PTPN13: variants seen among roughly 807,000 people sequenced by gnomAD.
PTPN13 encodes the protein protein tyrosine phosphatase non-receptor type 13, also known as tyrosine-protein phosphatase non-receptor type 13.
In PTPN13, 191 loss-of-function variants were observed where a neutral mutation model predicts 284.0. The ratio of observed to expected loss-of-function variants is 0.67; its 90% CI spans 0.60 to 0.76. The LOEUF (loss-of-function observed/expected upper bound fraction) is 0.76. Among genes scored for constraint, PTPN13 ranks in the 30% least tolerant of loss-of-function variants. The pLI is 0.00. For synonymous variants in PTPN13, 986 were observed against 1,022.3 expected (o/e 0.96, Z 0.68); for missense variants, 2,797 against 2,939.9 (o/e 0.95, Z 1.12).
At chr4:86,782,151 C>G in intron 36 of PTPN13, 50 bp from the exon 37 acceptor site, 5 of 1,315,364 alleles carry the variant, frequency 3.8e-6, no homozygotes, top group Non-Finnish European at 5.5e-6. Flanking sequence ...TGATGTCCCT[C>G]TTGTGGTTTG....
chr4:86,621,335 T>A (rs1347485357), intron 1 of PTPN13, among the ~76,000 whole-genome samples: 1 of 152,216 alleles, frequency 6.6e-6, no homozygotes, highest in Non-Finnish European at 1.5e-5. Context: ...TTTAATTAAG[T>A]TCAGTTCCAC....
chr4:86,808,644 T>C (rs1744899950), intron 45 of PTPN13, among the ~76,000 whole-genome samples: 1 of 152,244 alleles, frequency 6.6e-6, no homozygotes, highest in African/African-American at 2.4e-5. Flanking sequence ...CATGATTTTT[T>C]ATTGATTTAC....
chr4:86,599,266 A>G (rs1220348109), intron 1 of PTPN13, among the ~76,000 whole-genome samples: 1 of 152,146 alleles, frequency 6.6e-6, no homozygotes, highest in East Asian at 1.9e-4. Context: ...GTGTTGGATT[A>G]TATTTTATAT....
intron 1 of PTPN13, 80 bp from the exon 2 acceptor site, chr4:86,635,172 A>G: frequency 6.9e-7 from 1 of 1,446,840 alleles, no homozygotes; most frequent in Non-Finnish European, 9.4e-7. Context: ...ATAGTCTGTC[A>G]TCACTGATGT....
intron 40 of PTPN13, among the ~76,000 whole-genome samples, chr4:86,793,279 G>T (rs570645530): frequency 6.6e-6 from 1 of 152,266 alleles, no homozygotes; most frequent in Admixed American, 6.5e-5. Context: ...AATGGTAAAG[G>T]TATCAAATCA....
At chr4:86,648,840 CCCA>C (rs1724748794) in intron 2 of PTPN13, among the ~76,000 whole-genome samples, 2 of 152,086 alleles carry the variant, frequency 1.3e-5, no homozygotes, top group Admixed American at 6.5e-5. Context: ...AATTTACATT[CCCA>C]CCAACAGTAT....
Position 86,701,719 on chromosome 4 carries a change from C to T in PTPN13, c.1113C>T (p.Ser371=). Reference sequence around the variant, plus strand: ...ATCACACTCGAGAATTGCCCACCTCCTCAGCAATATCAAGTGCTTTGGACC... The same window carrying T: ...ATCACACTCGAGAATTGCCCACCTCTTCAGCAATATCAAGTGCTTTGGACC... ...PIYHTRELPT[S]SAISSALDRI... The change falls in exon 7 of 48, where the codon TCC becomes TCT. Residue 371 remains serine, a synonymous_variant. Transcript: ENST00000411767. 1 of 1,613,958 alleles carries T rather than the reference C, an allele frequency of 6.2e-7. No individual in the cohort carries two copies. Among genetic ancestry groups the T allele is most frequent in the Non-Finnish European group, 8.5e-7 (1 of 1,179,866 alleles).
At chr4:86,644,456 T>C (rs1319004081) in intron 2 of PTPN13, among the ~76,000 whole-genome samples, 1 of 152,188 alleles carries the variant, frequency 6.6e-6, no homozygotes, top group Non-Finnish European at 1.5e-5. Context: ...ATTTAATTTA[T>C]AGTTTAAAAT....
At chr4:86,751,543 C>A (rs1352089185) in intron 19 of PTPN13, among the ~76,000 whole-genome samples, 3 of 152,110 alleles carry the variant, frequency 2.0e-5, no homozygotes, top group Non-Finnish European at 4.4e-5. Context: ...TGGTCTTGAA[C>A]TCCTGGACTC....
chr4:86,704,529 T>C (rs1731508269), intron 7 of PTPN13, among the ~76,000 whole-genome samples: 1 of 152,244 alleles, frequency 6.6e-6, no homozygotes, highest in Non-Finnish European at 1.5e-5. Flanking sequence ...TCAGACCATC[T>C]TATTTCTACA....
At chr4:86,692,539 T>C (rs1253859119) in intron 5 of PTPN13, among the ~76,000 whole-genome samples, 6 of 152,178 alleles carry the variant, frequency 3.9e-5, no homozygotes, top group Admixed American at 3.9e-4. Flanking sequence ...AAGTAATTTC[T>C]CTTCACCATT....
chr4:86,650,930 C>T (rs529733055), intron 2 of PTPN13, among the ~76,000 whole-genome samples: 6 of 152,216 alleles, frequency 3.9e-5, no homozygotes, highest in African/African-American at 1.2e-4. Flanking sequence ...TATCTAATTG[C>T]TCTGGCTAGA....
chr4:86,677,634 G>T (rs1356828251), intron 3 of PTPN13, among the ~76,000 whole-genome samples: 8 of 140,306 alleles, frequency 5.7e-5, no homozygotes, highest in Admixed American at 1.4e-4. Context: ...TCTTGTGTGG[G>T]TTTTTTTTTT....
At chr4:86,699,387 C>A (rs1422424512) in intron 6 of PTPN13, among the ~76,000 whole-genome samples, 8 of 151,326 alleles carry the variant, frequency 5.3e-5, no homozygotes, top group East Asian at 1.9e-4. Flanking sequence ...CTCTATCCCC[C>A]CTCCAAAAAA....
At chr4:86,720,995 T>G (rs917757741) in intron 9 of PTPN13, among the ~76,000 whole-genome samples, 3 of 152,054 alleles carry the variant, frequency 2.0e-5, no homozygotes, top group Non-Finnish European at 4.4e-5. Flanking sequence ...AGTAAGTTTA[T>G]ACGTAGTACA....
At chr4:86,799,336 T>TC in intron 42 of PTPN13, 132 bp downstream of exon 42, 2 of 528,008 alleles carry the variant, frequency 3.8e-6, no homozygotes, top group Non-Finnish European at 3.1e-6. Context: ...TTTTTTTTCT[T>TC]TTTTTGAGAC....
intron 2 of PTPN13, among the ~76,000 whole-genome samples, chr4:86,646,785 G>C (rs765745167): frequency 2.1e-4 from 32 of 152,144 alleles, no homozygotes; most frequent in Non-Finnish European, 3.8e-4. Flanking sequence ...ACATTTCTTT[G>C]TAGTAACCAA....
In PTPN13 at chr4:86,814,979, AAGT is replaced by A. The variant is rs1382121218; in HGVS notation, c.*431_*433del. The A allele has an allele frequency of 3.2e-5, 5 of 154,044 alleles. 1 individual carries two copies. The highest frequency in any genetic ancestry group is 1.2e-4 in the African/African-American group (5 of 41,580). 9.5% of individuals were successfully genotyped at this position (154,044 alleles called of 1,614,324 possible). On this transcript the variant is annotated 3_prime_UTR_variant, in exon 48 of 48. Coordinates refer to ENST00000411767, the MANE Select transcript of PTPN13 (RefSeq NM_080683.3). ...ATGACAGTAATATTGGCATAGAAAA[AAGT>A]AGCAAATGTTTACTGTATCAATTTC...
intron 3 of PTPN13, among the ~76,000 whole-genome samples, chr4:86,674,308 C>T (rs990936892): frequency 6.6e-6 from 1 of 152,148 alleles, no homozygotes; most frequent in African/African-American, 2.4e-5. Flanking sequence ...TGTCATTCCA[C>T]ATAAGTGTAA....
Sources: allele counts gnomAD v4.1 joint callset (sites outside exome capture counted in the v4.1 genomes callset), GRCh38; gene constraint gnomAD v4.1.1; transcripts MANE v1.5; gene names NCBI Gene and HGNC (gene_info 2026-07-23, HGNC 2026-07-21).